Variants in SH3RF2 observed in about 807,000 individuals in gnomAD.
SH3RF2 encodes the protein SH3 domain containing ring finger 2, also known as E3 ubiquitin-protein ligase SH3RF2.
SH3RF2 carries 43 observed loss-of-function variants against 59.0 expected under a neutral mutation model. The ratio of observed to expected loss-of-function variants is 0.73; its 90% CI spans 0.57 to 0.94. The LOEUF (loss-of-function observed/expected upper bound fraction) is 0.94, where lower values mean the gene tolerates loss of function less well. Among genes scored for constraint, SH3RF2 ranks in the 40% least tolerant of loss-of-function variants. The pLI is 0.00. For synonymous variants in SH3RF2, 391 were observed against 391.5 expected, an observed-to-expected ratio of 1.00 and a Z score of 0.01; for missense variants, 930 against 940.1, an observed-to-expected ratio of 0.99 and a Z score of 0.14.
intron 2 of SH3RF2, among the ~76,000 whole-genome samples, chr5:145,976,027 A>C (rs1759281333): frequency 6.6e-6 from 1 of 152,250 alleles, no homozygotes; most frequent in South Asian, 2.1e-4. Context: ...ATGACAGGTC[A>C]CATACACACC....
chr5:145,941,155 A>C (rs1424524840), intron 2 of SH3RF2, among the ~76,000 whole-genome samples: 4 of 152,190 alleles, frequency 2.6e-5, no homozygotes, highest in African/African-American at 4.8e-5. Flanking sequence ...AAGTTCGTTT[A>C]ACTTTCTGTC....
chr5:146,021,559 G>A (rs1334333399), intron 5 of SH3RF2, among the ~76,000 whole-genome samples: 1 of 152,210 alleles, frequency 6.6e-6, no homozygotes, highest in Non-Finnish European at 1.5e-5. Context: ...GGCCTACTGA[G>A]TGTCTGAAAT....
At position 146,056,144 on chromosome 5, in the gene SH3RF2, A is replaced by G; in HGVS notation, c.1486A>G (p.Arg496Gly). The G allele has an allele frequency of 6.2e-7, 1 of 1,614,222 alleles. No homozygotes were observed. The highest frequency in any genetic ancestry group is 1.3e-5 in the African/African-American group (1 of 75,064). The change falls in exon 8 of 10, where the codon AGA becomes GGA. Residue 496 changes from arginine (R) to glycine (G), a missense_variant. By Grantham distance (125) the Arg-to-Gly change is moderately radical. Transcript: ENST00000359120. ...FVPTAIVNPVRSTAGPGTLGQ... is the reference protein window; with the variant it reads ...FVPTAIVNPVGSTAGPGTLGQ... The stretch of plus-strand genomic sequence containing the variant: ...GCCCACTGCCATAGTCAACCCCGTG[A>G]GAAGCACAGCCGGCCCTGGGACTTT...
At chr5:146,008,608 C>A (rs1440959561) in intron 4 of SH3RF2, among the ~76,000 whole-genome samples, 1 of 152,186 alleles carries the variant, frequency 6.6e-6, no homozygotes, top group South Asian at 2.1e-4. Context: ...TTCGAAATAG[C>A]AGCTGAAACG....
chr5:146,053,430 C>G (rs1475753771), intron 7 of SH3RF2, among the ~76,000 whole-genome samples: 1 of 150,230 alleles, frequency 6.7e-6, no homozygotes, highest in Non-Finnish European at 1.5e-5. Context: ...TGGTGGGAGG[C>G]AGAGGTTTCC....
chr5:146,047,891 A>G (rs1241986701), intron 6 of SH3RF2, 28 bp downstream of exon 6: 1 of 1,603,630 alleles, frequency 6.2e-7, no homozygotes. Flanking sequence ...CCCTTCACCC[A>G]AGTCCTGGCA....
In SH3RF2 at chr5:145,957,159, T is replaced by A. The variant is rs553851615; in HGVS notation, c.378+18853T>A. 7.2e-5 allele frequency among the ~76,000 whole-genome samples: 11 copies of A among 152,330 alleles called. 1 individual carries two copies. The South Asian group carries it at 2.3e-3, about 32-fold the overall frequency. On this transcript the variant is annotated intron_variant, in intron 2 of 9. Transcript: ENST00000359120. The stretch of plus-strand genomic sequence containing the variant: ...CAAACCAAACTAATTTTAGAAACAA[T>A]CATTTTATAAAATTTATTCCCTAAA...
intron 3 of SH3RF2, among the ~76,000 whole-genome samples, chr5:146,001,236 A>G (rs1459491327): frequency 2.0e-5 from 3 of 152,234 alleles, no homozygotes; most frequent in Admixed American, 2.0e-4. Flanking sequence ...AAACATTCAC[A>G]TCTCTCATAG....
chr5:145,947,086 AC>A (rs1015464945), intron 2 of SH3RF2, among the ~76,000 whole-genome samples: 1 of 151,528 alleles, frequency 6.6e-6, no homozygotes, highest in African/African-American at 2.4e-5. Flanking sequence ...CATCTTCAGA[AC>A]TTTTTCATCA....
At chr5:146,000,000 C>A (rs957365844) in intron 2 of SH3RF2, 58 bp from the exon 3 acceptor site, 2 of 1,565,354 alleles carry the variant, frequency 1.3e-6, no homozygotes, top group East Asian at 2.3e-5. Flanking sequence ...ATGCTTGTAT[C>A]TTCTGTTCCT....
chr5:145,972,567 G>A (rs1759129290), intron 2 of SH3RF2, among the ~76,000 whole-genome samples: 1 of 152,176 alleles, frequency 6.6e-6, no homozygotes, highest in Admixed American at 6.5e-5. Flanking sequence ...TGACGGCCCA[G>A]AGCCAGAGGA....
At chr5:145,939,468 T>G (rs1490028239) in intron 2 of SH3RF2, among the ~76,000 whole-genome samples, 2 of 152,190 alleles carry the variant, frequency 1.3e-5, no homozygotes, top group African/African-American at 4.8e-5. Context: ...GAGCTACCAC[T>G]TCCTGGGTTC....
intron 5 of SH3RF2, among the ~76,000 whole-genome samples, chr5:146,017,762 A>G (rs1470882207): frequency 6.6e-6 from 1 of 152,014 alleles, no homozygotes; most frequent in Non-Finnish European, 1.5e-5. Flanking sequence ...TCTTGCCTAG[A>G]CTATTGCTCC....
At chr5:146,002,271 C>T (rs969715266) in intron 3 of SH3RF2, among the ~76,000 whole-genome samples, 1 of 151,956 alleles carries the variant, frequency 6.6e-6, no homozygotes, top group African/African-American at 2.4e-5. Context: ...GCCAACATAG[C>T]GAAACCCCGA....
intron 5 of SH3RF2, among the ~76,000 whole-genome samples, chr5:146,026,803 C>T (rs919606664): frequency 3.3e-5 from 5 of 152,138 alleles, no homozygotes; most frequent in African/African-American, 4.8e-5. Flanking sequence ...TACTTTACTC[C>T]GTCTGAGCCT....
chr5:146,065,579 C>A (rs1763083230), downstream of SH3RF2, among the ~76,000 whole-genome samples: 1 of 152,148 alleles, frequency 6.6e-6, no homozygotes, highest in Non-Finnish European at 1.5e-5. Context: ...CTTCTCCCAC[C>A]ATCTATTTAT....
downstream of SH3RF2, among the ~76,000 whole-genome samples, chr5:146,064,807 G>T (rs60211865): frequency 5.5e-5 from 1 of 18,298 alleles, no homozygotes; most frequent in African/African-American, 1.7e-4. Flanking sequence ...AAGGAAGGAA[G>T]GAAAGAAAGA....
intron 2 of SH3RF2, among the ~76,000 whole-genome samples, chr5:145,991,345 G>A (rs997658975): frequency 6.6e-6 from 1 of 152,174 alleles, no homozygotes; most frequent in Non-Finnish European, 1.5e-5. Flanking sequence ...ATAATACATG[G>A]AAAGTGCAGT....
At chr5:146,064,537 G>T (rs1403701887), downstream of SH3RF2, among the ~76,000 whole-genome samples, 1 of 145,362 alleles carries the variant, frequency 6.9e-6, no homozygotes, top group Non-Finnish European at 1.5e-5. Flanking sequence ...CTAAGGCTGG[G>T]TGCCATAGAA....
Sources: allele counts gnomAD v4.1 joint callset (sites outside exome capture counted in the v4.1 genomes callset), GRCh38; gene constraint gnomAD v4.1.1; transcripts MANE v1.5; gene names NCBI Gene and HGNC (gene_info 2026-07-23, HGNC 2026-07-21).